SLC9A9: variants seen among roughly 807,000 people sequenced by gnomAD.
SLC9A9 encodes solute carrier family 9 member A9.
Under a neutral mutation model 77.8 loss-of-function variants are expected in SLC9A9, and 62 were observed. The observed-to-expected ratio is 0.80, with a 90% CI of 0.65 to 0.98. The LOEUF (loss-of-function observed/expected upper bound fraction) is 0.98, where lower values mean the gene tolerates loss of function less well. Ranked by LOEUF, SLC9A9 falls within the 50% of genes least tolerant of loss-of-function variation. The pLI is 0.00. For synonymous variants in SLC9A9, 320 were observed against 283.5 expected, an observed-to-expected ratio of 1.13 and a Z score of -1.29; for missense variants, 775 against 774.9, an observed-to-expected ratio of 1.00 and a Z score of 0.00.
chr3:143,714,633 C>A (rs1239559002), intron 4 of SLC9A9, among the ~76,000 whole-genome samples: 2 of 152,186 alleles, frequency 1.3e-5, no homozygotes, highest in Admixed American at 6.5e-5. Context: ...ACGTCAAACG[C>A]CAAAATACTT....
Position 143,355,618 on chromosome 3 carries a change from T to C in SLC9A9, c.1604+7866A>G, listed in dbSNP as rs372189096. ...AGTGGAATGTCTGTGTGTTTCTTTA[T>C]ACCATAGATGTGTTCCTGAAAAGCT... On this transcript the variant is annotated intron_variant, in intron 14 of 15. Transcript: ENST00000316549. Among the ~76,000 whole-genome samples, 14 of 152,348 alleles carry C rather than the reference T, an allele frequency of 9.2e-5. No individual in the cohort carries two copies. In the East Asian group the frequency reaches 2.1e-3, roughly 23 times the overall value.
intron 5 of SLC9A9, among the ~76,000 whole-genome samples, chr3:143,678,692 A>G (rs1932968768): frequency 6.6e-6 from 1 of 152,190 alleles, no homozygotes; most frequent in Non-Finnish European, 1.5e-5. Context: ...GCATTGTAGT[A>G]TATTCTTACA....
At chr3:143,616,745 C>T (rs1283148722) in intron 6 of SLC9A9, among the ~76,000 whole-genome samples, 3 of 152,136 alleles carry the variant, frequency 2.0e-5, no homozygotes, top group Admixed American at 1.3e-4. Context: ...AACAACTCCT[C>T]CTGGCTTCTC....
At chr3:143,800,155 T>G (rs1469378800) in intron 2 of SLC9A9, among the ~76,000 whole-genome samples, 2 of 152,172 alleles carry the variant, frequency 1.3e-5, no homozygotes, top group Non-Finnish European at 1.5e-5. Flanking sequence ...CATCTTCCCC[T>G]TGTATCTTCC....
chr3:143,697,984 G>A (rs560374933), intron 4 of SLC9A9: 135 of 152,244 alleles, frequency 8.9e-4, no homozygotes, highest in African/African-American at 3.2e-3. Flanking sequence ...TATTGTTATT[G>A]TTGGCACATT....
intron 4 of SLC9A9, among the ~76,000 whole-genome samples, chr3:143,729,468 T>A (rs1439953698): frequency 1.3e-5 from 2 of 152,198 alleles, no homozygotes; most frequent in Non-Finnish European, 2.9e-5. Context: ...GCCCTCCTAT[T>A]CCTGTCCACA....
At chr3:143,612,618 A>T (rs1328983966) in intron 6 of SLC9A9, among the ~76,000 whole-genome samples, 3 of 152,234 alleles carry the variant, frequency 2.0e-5, no homozygotes, top group African/African-American at 7.2e-5. Context: ...TTTTCATTTC[A>T]TAGTATCCCT....
At chr3:143,749,903 C>T (rs1488358714) in intron 4 of SLC9A9, among the ~76,000 whole-genome samples, 1 of 152,228 alleles carries the variant, frequency 6.6e-6, no homozygotes, top group Non-Finnish European at 1.5e-5. Flanking sequence ...ACTTAAATCA[C>T]TGTGCCTTTC....
Position 143,767,688 on chromosome 3 carries a change from T to C in SLC9A9, c.533+27313A>G, listed in dbSNP as rs561606710. ...CTTTAATAGCAAGTGTGTTTGTCTA[T>C]CCTTTACAACACAATTTTTTTAAAG... On this transcript the variant is annotated intron_variant, in intron 4 of 15. Transcript: ENST00000316549. Among the ~76,000 whole-genome samples the C allele has an allele frequency of 2.7e-3, 407 of 152,294 alleles. 2 individuals carry two copies. The highest frequency in any genetic ancestry group is 9.0e-3 in the African/African-American group (374 of 41,562).
chr3:143,276,627 G>C (rs1344553618), intron 14 of SLC9A9, among the ~76,000 whole-genome samples: 1 of 152,036 alleles, frequency 6.6e-6, no homozygotes, highest in Admixed American at 6.6e-5. Flanking sequence ...TTTTCTGTAG[G>C]GGCTTCTTAA....
chr3:143,601,047 G>A (rs2037837802), intron 6 of SLC9A9, among the ~76,000 whole-genome samples: 2 of 152,204 alleles, frequency 1.3e-5, no homozygotes, highest in South Asian at 4.1e-4. Flanking sequence ...CTTAGACATG[G>A]GAAGTTGAGG....
Position 143,796,876 on chromosome 3 carries a change from TGAA to T in SLC9A9, c.403_405del (p.Phe135del), listed in dbSNP as rs1204520089. 6.2e-7 allele frequency: 1 copy of T among 1,612,388 alleles called. No individual in the cohort carries two copies. Among genetic ancestry groups the T allele is most frequent in the South Asian group, 1.1e-5 (1 of 90,952 alleles). On this transcript the variant is annotated inframe_deletion, in exon 3 of 16. Coordinates refer to ENST00000316549, the MANE Select transcript of SLC9A9 (RefSeq NM_173653.4). ...AATATAATTGGTGGCAGTAAAACAT[TGAA>T]GAAGATTTCTGGATCAAATGTCATC...
chr3:143,674,490 G>C (rs1210324654), intron 5 of SLC9A9, among the ~76,000 whole-genome samples: 1 of 152,150 alleles, frequency 6.6e-6, no homozygotes, highest in Non-Finnish European at 1.5e-5. Context: ...AAACACACGA[G>C]CAGTGCCAGC....
chr3:143,799,205 T>C (rs1039798531), intron 2 of SLC9A9, among the ~76,000 whole-genome samples: 1 of 152,160 alleles, frequency 6.6e-6, no homozygotes, highest in African/African-American at 2.4e-5. Context: ...GCCCAGTCCA[T>C]GGCCCATTTG....
intron 14 of SLC9A9, among the ~76,000 whole-genome samples, chr3:143,295,645 C>T (rs1361341371): frequency 6.6e-6 from 1 of 152,192 alleles, no homozygotes; most frequent in Non-Finnish European, 1.5e-5. Flanking sequence ...CATTAACTGA[C>T]AATGAGCCTT....
intron 14 of SLC9A9, among the ~76,000 whole-genome samples, chr3:143,338,532 T>G (rs1442417110): frequency 6.6e-6 from 1 of 152,174 alleles, no homozygotes; most frequent in African/African-American, 2.4e-5. Flanking sequence ...CAAAATTGTA[T>G]GTACGGATCT....
rs567459026 is a variant in SLC9A9 at position 143,821,197 on chromosome 3, C to T, written c.378+10822G>A. Among the ~76,000 whole-genome samples the T allele has an allele frequency of 5.9e-5, 9 of 152,324 alleles. No homozygotes were observed. The East Asian group carries it at 1.5e-3, about 26-fold the overall frequency. ...TTAAATGGTACAATAAAAAGCAACA[C>T]CAATCTTTCTCCATCACACGCTCCT... On this transcript the variant is annotated intron_variant, in intron 2 of 15. Coordinates refer to ENST00000316549, the MANE Select transcript of SLC9A9 (RefSeq NM_173653.4).
chr3:143,347,696 C>A (rs1248987084), intron 14 of SLC9A9, among the ~76,000 whole-genome samples: 1 of 152,126 alleles, frequency 6.6e-6, no homozygotes, highest in Admixed American at 6.5e-5. Flanking sequence ...TTGTCCCCTG[C>A]CCCCACTCAT....
Position 143,493,652 on chromosome 3 carries a change from C to T in SLC9A9, c.1315+1G>A, listed in dbSNP as rs1156856060. ...ACTAACATATAACATAGTTCACATA[C>T]CTGAAAACATCATCATGTGCTGAAA... is the stretch of plus-strand genomic sequence containing the variant. On this transcript the variant is annotated splice_donor_variant, in intron 11 of 15. Coordinates refer to ENST00000316549, the MANE Select transcript of SLC9A9 (RefSeq NM_173653.4). LOFTEE classifies it high-confidence loss of function. 3.1e-6 allele frequency: 5 copies of T among 1,611,068 alleles called. No individual in the cohort carries two copies. The African/African-American group carries it at 4.0e-5, about 13-fold the overall frequency.
Sources: gnomAD v4.1 joint callset for allele counts (sites outside exome capture counted in the v4.1 genomes callset) on GRCh38, gnomAD v4.1.1 for gene constraint, MANE v1.5 for transcripts, NCBI Gene and HGNC (gene_info 2026-07-23, HGNC 2026-07-21) for gene names.